Variants in CPA6 observed in about 807,000 individuals in gnomAD.
CPA6 encodes carboxypeptidase B.
CPA6 carries 58 observed loss-of-function variants against 63.3 expected under a neutral mutation model. The observed-to-expected ratio is 0.92, with a 90% confidence interval of 0.74 to 1.14. CPA6 has a LOEUF of 1.14. Ranked by LOEUF, CPA6 falls within the 50% of genes most tolerant of loss-of-function variation. The pLI is 0.00. For missense variants in CPA6, 565 were observed against 526.6 expected, an observed-to-expected ratio of 1.07 and a Z score of -0.71; for synonymous variants, 185 against 179.0, an observed-to-expected ratio of 1.03 and a Z score of -0.27.
chr8:67,605,200 T>C (rs1262545279), intron 2 of CPA6, among the ~76,000 whole-genome samples: 4 of 152,060 alleles, frequency 2.6e-5, no homozygotes, highest in Admixed American at 2.6e-4. Context: ...GTGTGATTCA[T>C]CCAATGCCCA....
At chr8:67,659,614 T>C (rs1276076359) in intron 1 of CPA6, among the ~76,000 whole-genome samples, 1 of 152,206 alleles carries the variant, frequency 6.6e-6, no homozygotes, top group African/African-American at 2.4e-5. Context: ...AAATATATTA[T>C]ATGTTGGAGA....
At chr8:67,498,786 G>A (rs760693415) in intron 6 of CPA6, among the ~76,000 whole-genome samples, 3 of 152,110 alleles carry the variant, frequency 2.0e-5, no homozygotes, top group East Asian at 1.9e-4. Context: ...CAATCTAAGC[G>A]TACCAACCAT....
At chr8:67,630,682 C>T (rs1216820966) in intron 1 of CPA6, among the ~76,000 whole-genome samples, 4 of 152,218 alleles carry the variant, frequency 2.6e-5, no homozygotes, top group Admixed American at 6.5e-5. Flanking sequence ...TTGGGCTGGC[C>T]GAGGCCGGAG....
At chr8:67,431,022 T>G (rs1342786235) in intron 9 of CPA6, among the ~76,000 whole-genome samples, 3 of 151,884 alleles carry the variant, frequency 2.0e-5, no homozygotes. Flanking sequence ...CCACTATGCC[T>G]GGCTAATTTT....
At chr8:67,528,074 A>C (rs868460431) in intron 2 of CPA6, among the ~76,000 whole-genome samples, 1 of 152,358 alleles carries the variant, frequency 6.6e-6, no homozygotes, top group African/African-American at 2.4e-5. Flanking sequence ...GAAAGCCTGC[A>C]GAATTTCAGC....
At chr8:67,625,943 C>A (rs1402118803) in intron 1 of CPA6, among the ~76,000 whole-genome samples, 1 of 152,114 alleles carries the variant, frequency 6.6e-6, no homozygotes, top group African/African-American at 2.4e-5. Context: ...GTGATTGGTT[C>A]ATGGGGGCAT....
At chr8:67,576,638 A>T (rs1813633800) in intron 2 of CPA6, among the ~76,000 whole-genome samples, 1 of 152,214 alleles carries the variant, frequency 6.6e-6, no homozygotes, top group Admixed American at 6.5e-5. Context: ...TTTTCTTACA[A>T]TTATACATAT....
At chr8:67,631,101 G>A (rs1279845958) in intron 1 of CPA6, among the ~76,000 whole-genome samples, 7 of 152,336 alleles carry the variant, frequency 4.6e-5, no homozygotes, top group East Asian at 3.9e-4. Context: ...TGAGGAGTGC[G>A]GCTGCATGGT....
At chr8:67,606,415 A>G (rs142799308) in intron 2 of CPA6, among the ~76,000 whole-genome samples, 23 of 152,266 alleles carry the variant, frequency 1.5e-4, no homozygotes, top group African/African-American at 5.1e-4. Flanking sequence ...TACTCACTAT[A>G]TATCTGCTTG....
chr8:67,468,313 C>G (rs911246950), intron 8 of CPA6, among the ~76,000 whole-genome samples: 1 of 151,644 alleles, frequency 6.6e-6, no homozygotes, highest in South Asian at 2.1e-4. Context: ...TGTGCCCTGG[C>G]TGGGCACACC....
chr8:67,598,791 G>T (rs1288661070), intron 2 of CPA6, among the ~76,000 whole-genome samples: 1 of 152,068 alleles, frequency 6.6e-6, no homozygotes, highest in Admixed American at 6.5e-5. Flanking sequence ...TAGATAATGA[G>T]CTAAGTGAGG....
At chr8:67,625,945 TG>T (rs779956935) in intron 1 of CPA6, among the ~76,000 whole-genome samples, 1 of 152,268 alleles carries the variant, frequency 6.6e-6, no homozygotes, top group African/African-American at 2.4e-5. Context: ...GATTGGTTCA[TG>T]GGGGCATATT....
chr8:67,703,258 A>G (rs1326662176), intron 1 of CPA6, among the ~76,000 whole-genome samples: 2 of 152,048 alleles, frequency 1.3e-5, no homozygotes, highest in African/African-American at 4.8e-5. Flanking sequence ...CTGCTCCCCC[A>G]AAGCTGATCT....
chr8:67,727,154 G>GA (rs369383538), intron 1 of CPA6, among the ~76,000 whole-genome samples: 9,177 of 150,496 alleles, frequency 0.061, 557 homozygotes, highest in African/African-American at 0.16. Context: ...TAGGGAGAAA[G>GA]AAAAAAAAAC....
chr8:67,558,263 T>C (rs918057961), intron 2 of CPA6, among the ~76,000 whole-genome samples: 6 of 152,220 alleles, frequency 3.9e-5, no homozygotes, highest in Non-Finnish European at 5.9e-5. Context: ...GAGAGGTCTT[T>C]TCTGAACACC....
chr8:67,445,307 C>T (rs1039959316), intron 8 of CPA6, among the ~76,000 whole-genome samples: 13 of 151,930 alleles, frequency 8.6e-5, no homozygotes, highest in East Asian at 3.8e-4. Flanking sequence ...GGATTTGATA[C>T]GAGAAAGTTC....
chr8:67,609,068 T>C (rs2128984738), intron 2 of CPA6, among the ~76,000 whole-genome samples: 2 of 152,364 alleles, frequency 1.3e-5, no homozygotes, highest in Middle Eastern at 3.4e-3. Flanking sequence ...ATGGTATCTG[T>C]TCATCCTAGA....
At chr8:67,449,337 G>T (rs528876943) in intron 8 of CPA6, among the ~76,000 whole-genome samples, 1 of 152,184 alleles carries the variant, frequency 6.6e-6, no homozygotes, top group Non-Finnish European at 1.5e-5. Flanking sequence ...CTATTCTCAC[G>T]TTGTTACCCT....
At chr8:67,506,149 C>T (rs1307276026) in intron 6 of CPA6, among the ~76,000 whole-genome samples, 1 of 152,034 alleles carries the variant, frequency 6.6e-6, no homozygotes. Flanking sequence ...AAGGCTGGCC[C>T]ACTCTTGGGA....
Sources: allele counts gnomAD v4.1 joint callset (sites outside exome capture counted in the v4.1 genomes callset), GRCh38; gene constraint gnomAD v4.1.1; transcripts MANE v1.5; gene names NCBI Gene and HGNC (gene_info 2026-07-23, HGNC 2026-07-21).